HLA-DQB1: variants seen among roughly 807,000 people sequenced by gnomAD.
HLA-DQB1 encodes the protein major histocompatibility complex, class II, DQ beta 1.
HLA-DQB1 carries 13 observed loss-of-function variants against 26.4 expected under a neutral mutation model. The ratio of observed to expected loss-of-function variants is 0.49; its 90% CI spans 0.32 to 0.78. The LOEUF (loss-of-function observed/expected upper bound fraction) is 0.78. Among genes scored for constraint, HLA-DQB1 ranks in the 30% least tolerant of loss-of-function variants. HLA-DQB1 has a pLI of 0.03. For synonymous variants in HLA-DQB1, 60 were observed against 129.1 expected (o/e 0.46, Z 3.63); for missense variants, 158 against 326.2 (o/e 0.48, Z 3.97).
exon 3 of HLA-DQB1, chr6:32,661,977 G>A (rs398122512): frequency 3.9e-6 from 6 of 1,548,138 alleles, no homozygotes; most frequent in Non-Finnish European, 3.5e-6. Context: ...GCCACTCCAC[G>A]GTGATGGGGC....
chr6:32,660,538 C>A, intron 4 of HLA-DQB1: 1 of 345,080 alleles, frequency 2.9e-6, no homozygotes, highest in Non-Finnish European at 5.2e-6. Flanking sequence ...CGACCACTAG[C>A]AGCCTCTTTC....
intron 3 of HLA-DQB1, chr6:32,661,765 A>G (rs1394424944): frequency 1.9e-6 from 1 of 534,976 alleles, no homozygotes; most frequent in Non-Finnish European, 3.2e-6. Flanking sequence ...GAGCAACAGT[A>G]TGTAGAGTAA....
chr6:32,661,862 T>G, intron 3 of HLA-DQB1, 105 bp downstream of exon 3: 1 of 936,412 alleles, frequency 1.1e-6, no homozygotes, highest in Non-Finnish European at 1.6e-6. Flanking sequence ...CTCCTGTGAT[T>G]CCCAGCTCAG....
intron 4 of HLA-DQB1, 60 bp downstream of exon 4, chr6:32,661,287 A>T (rs9273584): frequency 0.46 from 348,577 of 763,268 alleles, 100,663 homozygotes; most frequent in East Asian, 0.67. Context: ...AGACAGGACC[A>T]CTCTGAACAG....
chr6:32,661,930 G>GC, intron 3 of HLA-DQB1, 37 bp downstream of exon 3: 1 of 1,256,696 alleles, frequency 8.0e-7, no homozygotes, highest in Non-Finnish European at 1.1e-6. Flanking sequence ...TCTTTGTCTT[G>GC]TGGGCCCATA....
intron 1 of HLA-DQB1, among the ~76,000 whole-genome samples, chr6:32,665,685 T>A (rs41263836): frequency 0.071 from 8,498 of 119,254 alleles, 795 homozygotes; most frequent in Middle Eastern, 0.14. Flanking sequence ...ATAAACTAGA[T>A]TCCAATTAAA....
At chr6:32,665,729 A>ATCAATATTGGG (rs375691953) in intron 1 of HLA-DQB1, among the ~76,000 whole-genome samples, 2 of 139,330 alleles carry the variant, frequency 1.4e-5, no homozygotes, top group South Asian at 4.8e-4. Context: ...AGGTTATGTA[A>ATCAATATTGGG]CAGAATATCC....
At position 32,664,781 on chromosome 6, in the gene HLA-DQB1, G is replaced by C. The variant is rs28746798; in HGVS notation, c.379+17C>G. 0.033 allele frequency: 28,763 copies of C among 882,946 alleles called. 6,799 individuals carry two copies. Among genetic ancestry groups the C allele is most frequent in the East Asian group, 0.098 (2,584 of 26,416 alleles). 54.7% of individuals were successfully genotyped at this position (882,946 alleles called of 1,614,324 possible). A position where few individuals can be genotyped will look rare whatever the true frequency, so the allele number is the denominator to read the frequency against. ...CTCGGCCAAGGGTGGGCCTCACGGA[G>C]GGGCGACGACGCTCACCTCTCCTCT... On this transcript the variant is annotated intron_variant, in intron 2 of 4. Coordinates refer to ENST00000434651, the Ensembl canonical transcript of HLA-DQB1.
chr6:32,665,353 G>A (rs28746808), intron 1 of HLA-DQB1, among the ~76,000 whole-genome samples: 6,497 of 127,378 alleles, frequency 0.051, 648 homozygotes, highest in East Asian at 0.11. Context: ...GATTTTACAT[G>A]CACCTCTGCA....
chr6:32,665,096 G>GGCCCCGGCCCC (rs1783845611), intron 1 of HLA-DQB1, 29 bp from the exon 2 acceptor site: 1 of 1,093,502 alleles, frequency 9.1e-7, no homozygotes, highest in Admixed American at 3.3e-5. Context: ...CGGTCAGTCA[G>GGCCCCGGCCCC]GCCCCAGCCC....
chr6:32,665,134 C>G, intron 1 of HLA-DQB1, 67 bp from the exon 2 acceptor site: 1 of 957,826 alleles, frequency 1.0e-6, no homozygotes, highest in East Asian at 3.3e-5. Flanking sequence ...CCGCCCTGAC[C>G]CGGCCTGGAG....
intron 1 of HLA-DQB1, 49 bp from the exon 2 acceptor site, chr6:32,665,116 CG>C (rs776798089): frequency 2.4e-6 from 2 of 837,780 alleles, no homozygotes; most frequent in Non-Finnish European, 3.2e-6. Context: ...CGGCCGCCCC[CG>C]CAGCCGCCGC....
intron 1 of HLA-DQB1, among the ~76,000 whole-genome samples, 181 bp from the exon 2 acceptor site, chr6:32,665,248 G>C (rs1554170128): frequency 1.2e-5 from 1 of 85,410 alleles, no homozygotes; most frequent in Admixed American, 1.2e-4. Context: ...CGCCTTCTTT[G>C]CGGGCTTCTG....
At chr6:32,666,648 C>T (rs1049070) in exon 1 of HLA-DQB1, 120,040 of 748,548 alleles carry the variant, frequency 0.16, 14,922 homozygotes, top group East Asian at 0.37. Context: ...CAACACAGCT[C>T]GGACCTGATG....
At chr6:32,666,617 G>C (rs34236112) in exon 1 of HLA-DQB1, 1 of 959,226 alleles carries the variant, frequency 1.0e-6, no homozygotes, top group Non-Finnish European at 1.6e-6. Flanking sequence ...TAACTGAGAC[G>C]AAGGGAAAAG....
rs28746828 is a variant in HLA-DQB1, at chr6:32,665,891, A to T, written c.109+608T>A. 0.016 allele frequency among the ~76,000 whole-genome samples: 2,050 copies of T among 130,136 alleles called. 214 individuals carry two copies. In the South Asian group the frequency reaches 0.17, roughly 11 times the overall value. 85.4% of individuals were successfully genotyped at this position (130,136 alleles called of 152,430 possible). On this transcript the variant is annotated intron_variant, in intron 1 of 4. Transcript: ENST00000434651. ...TTCCCTTCTTTACATCCTCCTTCCT[A>T]CTAAATTCAGTCCACCATTAACTCG...
chr6:32,666,275 C>G (rs281861049), intron 1 of HLA-DQB1, among the ~76,000 whole-genome samples: 1 of 100,062 alleles, frequency 1.0e-5, no homozygotes, highest in Admixed American at 1.0e-4. Context: ...TCTCTCCTCT[C>G]TCCTCCTCTT....
rs1782850720 is a variant in HLA-DQB1, at chr6:32,660,212, T to C, written c.*24A>G. On this transcript the variant is annotated 3_prime_UTR_variant, in exon 5 of 5. Coordinates refer to ENST00000434651, the Ensembl canonical transcript of HLA-DQB1. Reference sequence around the variant, plus strand: ...GGCATCACAGAAGAGTGATAACCAATCCTAGTTAAAATAGTCTCAGGAGTC... The same window carrying C: ...GGCATCACAGAAGAGTGATAACCAACCCTAGTTAAAATAGTCTCAGGAGTC... 4 of 913,586 alleles carry C rather than the reference T, an allele frequency of 4.4e-6. No homozygotes were observed. In the African/African-American group the frequency reaches 5.3e-5, roughly 12 times the overall value. 56.6% of individuals were successfully genotyped at this position (913,586 alleles called of 1,614,324 possible).
exon 1 of HLA-DQB1, chr6:32,666,519 G>A (rs754779441): frequency 1.8e-6 from 2 of 1,139,186 alleles, no homozygotes; most frequent in Non-Finnish European, 1.3e-6. Flanking sequence ...TCTGCCCTCA[G>A]CCAGTAGGGA....
Sources: allele counts gnomAD v4.1 joint callset (sites outside exome capture counted in the v4.1 genomes callset), GRCh38; gene constraint gnomAD v4.1.1; transcripts MANE v1.5; gene names NCBI Gene and HGNC (gene_info 2026-07-23, HGNC 2026-07-21).